RNLS: variants seen among roughly 807,000 people sequenced by gnomAD.
The protein encoded by RNLS is renalase.
In RNLS, 39 loss-of-function variants were observed where a neutral mutation model predicts 39.8. That is an observed-to-expected ratio of 0.98 (90% CI 0.76 to 1.28). RNLS has a LOEUF of 1.28. RNLS is among the 50% of genes most tolerant of loss of function. The probability of loss-of-function intolerance (pLI) is 0.00; values close to 1 mark genes in which losing one functional copy is unlikely to be tolerated. For missense variants in RNLS, 410 were observed against 413.3 expected (o/e 0.99, Z 0.07); for synonymous variants, 147 against 150.7 (o/e 0.98, Z 0.18).
chr10:88,557,682 G>A (rs1457977420), intron 4 of RNLS, among the ~76,000 whole-genome samples: 1 of 152,004 alleles, frequency 6.6e-6, no homozygotes, highest in African/African-American at 2.4e-5. Flanking sequence ...ATTAGTAGTT[G>A]ATTGTGGTAA....
At chr10:88,549,151 C>T (rs1172469434) in intron 4 of RNLS, among the ~76,000 whole-genome samples, 3 of 152,072 alleles carry the variant, frequency 2.0e-5, no homozygotes, top group Non-Finnish European at 4.4e-5. Context: ...AACTTGGTTC[C>T]ACATTTCAAA....
chr10:88,175,194 CA>C, the RNLS span, among the ~76,000 whole-genome samples: 18 of 150,692 alleles, frequency 1.2e-4, 1 homozygote, highest in South Asian at 1.7e-3. Flanking sequence ...TTTATTTTTT[CA>C]AAAAAAATGA....
rs574525050 is a variant in RNLS at position 88,418,474 on chromosome 10, C to T, written c.527-55749G>A. ...TGTTAATCCATCACATTGTGCTATA[C>T]CTGTGAATACTTCTTTCATTATGAT... On this transcript the variant is annotated intron_variant, in intron 4 of 6. Transcript: ENST00000331772. Among the ~76,000 whole-genome samples the T allele has an allele frequency of 2.6e-5, 4 of 152,230 alleles. No homozygotes were observed. In the South Asian group the frequency reaches 8.3e-4, roughly 32 times the overall value.
At chr10:88,398,874 C>G (rs1199497648) in intron 4 of RNLS, among the ~76,000 whole-genome samples, 1 of 151,972 alleles carries the variant, frequency 6.6e-6, no homozygotes, top group African/African-American at 2.4e-5. Context: ...AAAATATTTG[C>G]ATATCATATA....
intron 4 of RNLS, among the ~76,000 whole-genome samples, chr10:88,555,589 G>T (rs1241275367): frequency 6.6e-6 from 1 of 152,054 alleles, no homozygotes; most frequent in African/African-American, 2.4e-5. Context: ...GCAGCTGCTG[G>T]TGCCATGCTT....
chr10:88,217,631 G>T, the RNLS span, among the ~76,000 whole-genome samples: 1 of 150,128 alleles, frequency 6.7e-6, no homozygotes, highest in Non-Finnish European at 1.5e-5. Context: ...GATGCTCAAG[G>T]TCTGGAACTA....
rs997467951 is a variant in RNLS, at chr10:88,286,741, A to T, written c.877-1235T>A. ...AAATGTAATAAATTCTATTTAAATT[A>T]TGGTTCTGAGATCTTTGTTCTAGAT... is the stretch of plus-strand genomic sequence containing the variant. On this transcript the variant is annotated intron_variant, in intron 6 of 6. Transcript: ENST00000331772. Among the ~76,000 whole-genome samples the T allele has an allele frequency of 3.3e-5, 5 of 152,156 alleles. No individual in the cohort carries two copies. The South Asian group carries it at 1.0e-3, about 32-fold the overall frequency.
intron 5 of RNLS, among the ~76,000 whole-genome samples, chr10:88,330,042 T>C (rs1452578088): frequency 6.7e-6 from 1 of 148,274 alleles, no homozygotes; most frequent in Non-Finnish European, 1.5e-5. Flanking sequence ...CTATTGCTCA[T>C]AATTGCATGG....
At chr10:88,331,573 G>C (rs1847113283) in intron 5 of RNLS, among the ~76,000 whole-genome samples, 1 of 152,170 alleles carries the variant, frequency 6.6e-6, no homozygotes, top group African/African-American at 2.4e-5. Flanking sequence ...GTATACTATT[G>C]ATGTGTGTGC....
At chr10:88,370,550 A>G (rs566409669) in intron 4 of RNLS, among the ~76,000 whole-genome samples, 1 of 152,308 alleles carries the variant, frequency 6.6e-6, no homozygotes, top group African/African-American at 2.4e-5. Context: ...AGTTCTGATC[A>G]AGGAAACAGC....
intron 4 of RNLS, among the ~76,000 whole-genome samples, chr10:88,477,230 T>C (rs1843869801): frequency 6.6e-6 from 1 of 151,832 alleles, no homozygotes; most frequent in African/African-American, 2.4e-5. Context: ...ATCTGCCCTA[T>C]GGAGAAAGTG....
intron 4 of RNLS, among the ~76,000 whole-genome samples, chr10:88,441,696 A>G (rs1365178932): frequency 1.3e-5 from 2 of 152,232 alleles, no homozygotes; most frequent in African/African-American, 2.4e-5. Context: ...TTCAAGGGGT[A>G]CATTTCCTGG....
intron 4 of RNLS, among the ~76,000 whole-genome samples, chr10:88,498,498 AT>A (rs1242725754): frequency 2.7e-5 from 4 of 149,676 alleles, no homozygotes; most frequent in Non-Finnish European, 3.0e-5. Flanking sequence ...TTCTGTTGTT[AT>A]AAAGGGCATT....
rs796224647 is a variant in RNLS, at chr10:88,412,519, T to C, written c.527-49794A>G. On this transcript the variant is annotated intron_variant, in intron 4 of 6. Transcript: ENST00000331772. ...TCATTGAGATGAAAACCAGGGAAGG[T>C]TGGAGTTTTAATAAAGTTAGAACAA... Among the ~76,000 whole-genome samples, 20 of 152,152 alleles carry C rather than the reference T, an allele frequency of 1.3e-4. 1 individual carries two copies. The highest frequency in any genetic ancestry group is 4.8e-4 in the African/African-American group (20 of 41,518).
At chr10:88,489,358 C>A (rs1844755097) in intron 4 of RNLS, among the ~76,000 whole-genome samples, 1 of 152,176 alleles carries the variant, frequency 6.6e-6, no homozygotes, top group Non-Finnish European at 1.5e-5. Flanking sequence ...GAAAATCAAT[C>A]CTCCAGTACA....
chr10:88,351,576 T>A (rs1848710461), intron 5 of RNLS, among the ~76,000 whole-genome samples: 1 of 152,228 alleles, frequency 6.6e-6, no homozygotes, highest in Non-Finnish European at 1.5e-5. Context: ...TCTGTTCTGT[T>A]CCATTGGTCT....
At chr10:88,248,370 A>G in the RNLS span, among the ~76,000 whole-genome samples, 1 of 152,254 alleles carries the variant, frequency 6.6e-6, no homozygotes, top group East Asian at 1.9e-4. Flanking sequence ...TAACTTAATC[A>G]GGAAAGGCAT....
chr10:88,207,856 C>T, the RNLS span, among the ~76,000 whole-genome samples: 1 of 152,276 alleles, frequency 6.6e-6, no homozygotes, highest in East Asian at 1.9e-4. Context: ...CTGTGCTGAT[C>T]TAGACAACAA....
chr10:88,202,228 C>T, the RNLS span, among the ~76,000 whole-genome samples: 1 of 141,186 alleles, frequency 7.1e-6, no homozygotes, highest in East Asian at 2.1e-4. Context: ...TGTTCGCACT[C>T]ATAGGTGGGA....
Sources: gnomAD v4.1 joint callset for allele counts (sites outside exome capture counted in the v4.1 genomes callset) on GRCh38, gnomAD v4.1.1 for gene constraint, MANE v1.5 for transcripts, NCBI Gene and HGNC (gene_info 2026-07-23, HGNC 2026-07-21) for gene names.